Variants in ALG9 observed in about 807,000 individuals in gnomAD.
The protein encoded by ALG9 is ALG9 alpha-1,2-mannosyltransferase, also known as alpha-1,2-mannosyltransferase ALG9.
ALG9 carries 55 observed loss-of-function variants against 81.8 expected under a neutral mutation model. That is an observed-to-expected ratio of 0.67 (90% CI 0.54 to 0.84). The LOEUF is 0.84. ALG9 is among the 40% of genes least tolerant of loss of function. The pLI, the probability that ALG9 is intolerant of heterozygous loss-of-function variation, is 0.00. For synonymous variants in ALG9, 278 were observed against 274.3 expected, an observed-to-expected ratio of 1.01 and a Z score of -0.13; for missense variants, 629 against 745.0, an observed-to-expected ratio of 0.84 and a Z score of 1.81.
chr11:111,871,513 C>T lies in ALG9; in HGVS notation c.-31G>A, dbSNP rs546830673. ...GCCTGGGGAAAAAAGAATTCGGCAC[C>T]CTATGAAGTCGGTGAGCGCGCAGAC... On this transcript the variant is annotated 5_prime_UTR_variant, in exon 1 of 15. Transcript: ENST00000616540. 7 of 1,535,684 alleles carry T rather than the reference C, an allele frequency of 4.6e-6. No homozygotes were observed. Among genetic ancestry groups the T allele is most frequent in the Admixed American group, 2.0e-5 (1 of 50,968 alleles).
chr11:111,794,656 C>T (rs991514763), intron 14 of ALG9, among the ~76,000 whole-genome samples: 1 of 152,026 alleles, frequency 6.6e-6, no homozygotes, highest in Admixed American at 6.6e-5. Context: ...TCTTCTCTCT[C>T]TACCTATCTA....
At chr11:111,849,505 G>A (rs1242127826) in intron 8 of ALG9, 1 of 152,188 alleles carries the variant, frequency 6.6e-6, no homozygotes, top group Non-Finnish European at 1.5e-5. Flanking sequence ...TGGGGTACAT[G>A]TGCAGGATGT....
At position 111,785,271 on chromosome 11, in the gene ALG9, ATGT is replaced by A. The variant is rs1813124880; in HGVS notation, c.*1123_*1125del. ...AAAAATCACCTGCCTTGTCTACCAC[ATGT>A]TGTGACTGTGAGGATCAAACGAGAT... On this transcript the variant is annotated 3_prime_UTR_variant, in exon 15 of 15. Coordinates refer to ENST00000616540, the MANE Select transcript of ALG9 (RefSeq NM_024740.2). 1.3e-5 allele frequency: 2 copies of A among 152,254 alleles called. No individual in the cohort carries two copies. Among genetic ancestry groups the A allele is most frequent in the African/African-American group, 4.8e-5 (2 of 41,454 alleles). The allele number at this position is 152,254 out of a possible 1,614,324, so 9.4% of individuals were successfully genotyped here.
Position 111,786,348 on chromosome 11 carries a change from G to C in ALG9, c.*49C>G, listed in dbSNP as rs782427530. On this transcript the variant is annotated 3_prime_UTR_variant, in exon 15 of 15. Transcript: ENST00000616540. ...TGACTTGCAGGGAGTCAGGTCACTG[G>C]AATCAATAGTTAACAAGATGGTTGT... 1 of 1,611,988 alleles carries C rather than the reference G, an allele frequency of 6.2e-7. No individual in the cohort carries two copies. Among genetic ancestry groups the C allele is most frequent in the South Asian group, 1.1e-5 (1 of 90,872 alleles).
chr11:111,838,117 A>T, intron 11 of ALG9, 132 bp downstream of exon 11: 1 of 979,860 alleles, frequency 1.0e-6, no homozygotes, highest in Non-Finnish European at 1.5e-6. Context: ...CATTAATATT[A>T]AGTCTACAGG....
intron 14 of ALG9, among the ~76,000 whole-genome samples, chr11:111,791,762 C>T (rs1378446276): frequency 6.6e-6 from 1 of 152,230 alleles, no homozygotes; most frequent in Non-Finnish European, 1.5e-5. Context: ...TTTCTCATGA[C>T]TGAGTCCATC....
chr11:111,768,240 G>A, the ALG9 span, among the ~76,000 whole-genome samples: 1 of 152,182 alleles, frequency 6.6e-6, no homozygotes, highest in Non-Finnish European at 1.5e-5. Context: ...CTGAGCTATA[G>A]CAGGCAACAC....
At chr11:111,861,249 G>A (rs561487123) in intron 4 of ALG9, among the ~76,000 whole-genome samples, 10 of 152,276 alleles carry the variant, frequency 6.6e-5, no homozygotes, top group African/African-American at 9.6e-5. Context: ...CAAATTAAAT[G>A]TATTTAGGCA....
the ALG9 span, among the ~76,000 whole-genome samples, chr11:111,770,673 T>C: frequency 6.6e-6 from 1 of 152,114 alleles, no homozygotes; most frequent in Non-Finnish European, 1.5e-5. Flanking sequence ...CATTCCAGCC[T>C]GGGAATAGAG....
intron 5 of ALG9, among the ~76,000 whole-genome samples, chr11:111,860,332 T>TA (rs1959632257): frequency 6.6e-6 from 1 of 152,244 alleles, no homozygotes; most frequent in Admixed American, 6.5e-5. Flanking sequence ...ATGTTTTTCT[T>TA]ACTTACATGG....
At chr11:111,768,805 G>A in the ALG9 span, 1 of 140,552 alleles carries the variant, frequency 7.1e-6, no homozygotes, top group African/African-American at 3.1e-5. Flanking sequence ...AGGACTATAG[G>A]CATGTGCCAC....
At chr11:111,825,410 G>A (rs1314390854) in intron 13 of ALG9, among the ~76,000 whole-genome samples, 1 of 152,158 alleles carries the variant, frequency 6.6e-6, no homozygotes, top group Non-Finnish European at 1.5e-5. Context: ...GAGAAGAAAT[G>A]AGAAATGCTC....
At chr11:111,854,874 A>G (rs1321438658) in intron 6 of ALG9, among the ~76,000 whole-genome samples, 1 of 152,218 alleles carries the variant, frequency 6.6e-6, no homozygotes, top group African/African-American at 2.4e-5. Flanking sequence ...TCTAGCACAA[A>G]GCATTCAATG....
intron 8 of ALG9, among the ~76,000 whole-genome samples, chr11:111,851,871 TGG>T (rs1404716045): frequency 6.6e-6 from 1 of 152,228 alleles, no homozygotes; most frequent in Non-Finnish European, 1.5e-5. Context: ...CTCACACCCC[TGG>T]GGATCTTAGA....
intron 13 of ALG9, among the ~76,000 whole-genome samples, chr11:111,814,089 T>C (rs1463572391): frequency 5.9e-5 from 9 of 152,212 alleles, no homozygotes; most frequent in African/African-American, 2.2e-4. Flanking sequence ...CAAAGTGGTG[T>C]TATCTGTAGT....
At chr11:111,858,912 T>C (rs781796638) in intron 5 of ALG9, among the ~76,000 whole-genome samples, 35 of 152,132 alleles carry the variant, frequency 2.3e-4, no homozygotes, top group Non-Finnish European at 4.1e-4. Context: ...AGATCAATTG[T>C]AGGAGTAGCA....
chr11:111,844,976 A>G, intron 8 of ALG9, among the ~76,000 whole-genome samples: 1 of 152,226 alleles, frequency 6.6e-6, no homozygotes. Flanking sequence ...TTCTATACTG[A>G]CCACTATATC....
chr11:111,862,222 A>G (rs1249272054), intron 4 of ALG9, among the ~76,000 whole-genome samples: 1 of 150,754 alleles, frequency 6.6e-6, no homozygotes, highest in African/African-American at 2.4e-5. Flanking sequence ...ACTCTGGCTT[A>G]CATGTTTCTT....
At chr11:111,863,158 T>C (rs1294238555) in intron 4 of ALG9, among the ~76,000 whole-genome samples, 1 of 151,896 alleles carries the variant, frequency 6.6e-6, no homozygotes, top group African/African-American at 2.4e-5. Flanking sequence ...GATCACGAAG[T>C]CAGGAGACCA....
Sources: allele counts gnomAD v4.1 joint callset (sites outside exome capture counted in the v4.1 genomes callset), GRCh38; gene constraint gnomAD v4.1.1; transcripts MANE v1.5; gene names NCBI Gene and HGNC (gene_info 2026-07-23, HGNC 2026-07-21).